The following THAP4 variants were observed in gnomAD, a reference collection of about 807,000 sequenced individuals.
THAP4 encodes THAP domain containing 4.
A neutral mutation model predicts 48.1 loss-of-function variants in THAP4; 18 were observed. That is an observed-to-expected ratio of 0.37 (90% CI 0.26 to 0.56). The LOEUF (loss-of-function observed/expected upper bound fraction) is 0.56. Ranked by LOEUF, THAP4 falls within the 20% of genes least tolerant of loss-of-function variation. The pLI, the probability that THAP4 is intolerant of heterozygous loss-of-function variation, is 0.78. For synonymous variants in THAP4, 345 were observed against 324.9 expected, an observed-to-expected ratio of 1.06 and a Z score of -0.66; for missense variants, 656 against 774.9, an observed-to-expected ratio of 0.85 and a Z score of 1.82.
intron 2 of THAP4, among the ~76,000 whole-genome samples, chr2:241,623,732 A>T (rs2067462901): frequency 6.6e-6 from 1 of 152,186 alleles, no homozygotes; most frequent in Non-Finnish European, 1.5e-5. Flanking sequence ...CCACAAATTT[A>T]ATCATATAGA....
chr2:241,629,480 A>G (rs2067532322), intron 2 of THAP4, among the ~76,000 whole-genome samples: 1 of 151,780 alleles, frequency 6.6e-6, no homozygotes, highest in Non-Finnish European at 1.5e-5. Flanking sequence ...CTTAAAAAAA[A>G]AAAAAGAAAA....
chr2:241,604,961 GACAC>G (rs1014688132), intron 3 of THAP4, among the ~76,000 whole-genome samples: 1 of 152,080 alleles, frequency 6.6e-6, no homozygotes, highest in Non-Finnish European at 1.5e-5. Flanking sequence ...CATATTCTAG[GACAC>G]ACACACAAAC....
chr2:241,590,770 G>A (rs879546685), intron 5 of THAP4, among the ~76,000 whole-genome samples: 1 of 148,984 alleles, frequency 6.7e-6, no homozygotes, highest in Non-Finnish European at 1.5e-5. Context: ...GGCTGATGAT[G>A]AGGGGCACTA....
At chr2:241,626,441 C>CAAAACA (rs1035193297) in intron 2 of THAP4, among the ~76,000 whole-genome samples, 4 of 150,544 alleles carry the variant, frequency 2.7e-5, no homozygotes, top group East Asian at 3.9e-4. Flanking sequence ...AACTACGTCT[C>CAAAACA]AAAACAAAAA....
At chr2:241,637,368 A>G, upstream of THAP4, 1 of 1,373,954 alleles carries the variant, frequency 7.3e-7, no homozygotes, top group Non-Finnish European at 9.5e-7. Context: ...GTACCGCAAG[A>G]TGGCTGCTCG....
Position 241,616,128 on chromosome 2 carries a change from T to C in THAP4, c.1241-9655A>G, listed in dbSNP as rs2067342736. 6.6e-6 allele frequency among the ~76,000 whole-genome samples: 1 copy of C among 152,190 alleles called. No individual in the cohort carries two copies. Among genetic ancestry groups the C allele is most frequent in the Non-Finnish European group, 1.5e-5 (1 of 68,028 alleles). ...TGGGCTTATCTGAAGTCTGGTCAAG[T>C]TGAACTGGACCATCTATTCCCCCAA... On this transcript the variant is annotated intron_variant, in intron 2 of 5. Coordinates refer to ENST00000407315, the MANE Select transcript of THAP4 (RefSeq NM_015963.6). This position sits in a 1 kb window ranked among gnomAD's most constrained non-coding sequence, Gnocchi z 4.6.
At chr2:241,599,786 A>C (rs1356598793) in intron 5 of THAP4, among the ~76,000 whole-genome samples, 2 of 152,188 alleles carry the variant, frequency 1.3e-5, no homozygotes, top group Non-Finnish European at 2.9e-5. Context: ...TAGAAGAGGA[A>C]ATGCTTAAGA....
Position 241,637,004 on chromosome 2 carries a change from C to T in THAP4, c.14G>A (p.Cys5Tyr). Residue 5 changes from cysteine to tyrosine, a missense_variant, in exon 1 of 6, where the codon TGT becomes TAT. Coordinates refer to ENST00000407315, the MANE Select transcript of THAP4 (RefSeq NM_015963.6). MVIC[C>Y]AAVNCSNRQG... ...CCGGTTGGAGCAGTTCACGGCCGCA[C>T]AGCAGATCACCATCGCGGGCCTTGG... 2 of 1,299,514 alleles carry T rather than the reference C, an allele frequency of 1.5e-6. No individual in the cohort carries two copies. The highest frequency in any genetic ancestry group is 2.0e-6 in the Non-Finnish European group (2 of 999,508). 80.5% of individuals were successfully genotyped at this position (1,299,514 alleles called of 1,614,324 possible).
intron 2 of THAP4, among the ~76,000 whole-genome samples, chr2:241,627,467 G>A (rs1429572511): frequency 7.9e-5 from 12 of 152,164 alleles, no homozygotes; most frequent in South Asian, 2.1e-4. Context: ...TCAAGGAATC[G>A]CTGCTGGCGG....
rs1374594263 is a variant in THAP4 at position 241,633,304 on chromosome 2, G to A, written c.853C>T (p.Pro285Ser). ...GPDKGLAQSP[P>S]SSSLTATPQK... is the part of the protein sequence containing the mutation. ...GGTGTCGCGGTAAGTGATGAGCTGG[G>A]AGGGCTCTGGGCCAGGCCCTTGTCG... is the stretch of plus-strand genomic sequence containing the variant. The change falls in exon 2 of 6, where the codon CCC becomes TCC. Residue 285 changes from proline to serine, a missense_variant. Physicochemically the swap from Pro to Ser is moderately conservative, Grantham distance 74. Transcript: ENST00000407315. This position sits in a 1 kb window ranked among gnomAD's most constrained non-coding sequence, Gnocchi z 7.5. 6.2e-7 allele frequency: 1 copy of A among 1,612,418 alleles called. No homozygotes were observed. Among genetic ancestry groups the A allele is most frequent in the Non-Finnish European group, 8.5e-7 (1 of 1,180,018 alleles).
chr2:241,594,106 G>A (rs887608525), intron 5 of THAP4, among the ~76,000 whole-genome samples: 14 of 152,214 alleles, frequency 9.2e-5, no homozygotes, highest in Non-Finnish European at 1.5e-4. Flanking sequence ...AGTGAGGCCT[G>A]AGGCATGCTC....
In THAP4 at chr2:241,633,378, C is replaced by T. The variant is rs151111494; in HGVS notation, c.779G>A (p.Arg260Lys). 9 of 1,613,108 alleles carry T rather than the reference C, an allele frequency of 5.6e-6. No individual in the cohort carries two copies. In the African/African-American group the frequency reaches 9.4e-5, roughly 17 times the overall value. The change falls in exon 2 of 6, where the codon AGG (arginine) becomes AAG (lysine). Residue 260 changes from arginine (R) to lysine (K), a missense_variant. Physicochemically the swap from Arg to Lys is conservative, Grantham distance 26 (BLOSUM62 2). Transcript: ENST00000407315. The surrounding 1 kb of genome is among the most constrained non-coding windows in gnomAD (Gnocchi z 7.5). Reference sequence around the variant, plus strand: ...GCTTGGTTCCACATCTTTCTTCAGCCTCTTGCGGTCAATGGGCTCTCGGGG... The same window carrying T: ...GCTTGGTTCCACATCTTTCTTCAGCTTCTTGCGGTCAATGGGCTCTCGGGG... ...SVPREPIDRK[R>K]LKKDVEPSCS...
intron 5 of THAP4, among the ~76,000 whole-genome samples, chr2:241,586,861 A>G (rs1295472141): frequency 6.6e-6 from 1 of 152,234 alleles, no homozygotes; most frequent in East Asian, 1.9e-4. Flanking sequence ...TGAAAATTGC[A>G]AAAGACTGAA....
chr2:241,627,527 T>C (rs1373007719), intron 2 of THAP4, among the ~76,000 whole-genome samples: 2 of 152,200 alleles, frequency 1.3e-5, no homozygotes, highest in Non-Finnish European at 2.9e-5. Flanking sequence ...CTCTGGAGCG[T>C]GGCTTCAACC....
At position 241,637,070 on chromosome 2, in the gene THAP4, G is replaced by A. The variant is rs1166246777; in HGVS notation, c.-53C>T. 3.7e-6 allele frequency: 4 copies of A among 1,093,334 alleles called. No homozygotes were observed. The highest frequency in any genetic ancestry group is 4.8e-5 in the Admixed American group (1 of 20,654). The allele number at this position is 1,093,334 out of a possible 1,614,324, so 67.7% of individuals were successfully genotyped here. ...AGGCCCCGGCCCTAGCCGCCCGCCCGCCCGCGGACCGCCCCGAGGGAGGGA... is the reference window on the plus strand; with the variant it reads ...AGGCCCCGGCCCTAGCCGCCCGCCCACCCGCGGACCGCCCCGAGGGAGGGA... On this transcript the variant is annotated 5_prime_UTR_variant, in exon 1 of 6. Transcript: ENST00000407315.
chr2:241,596,580 G>A (rs1350840879), intron 5 of THAP4, among the ~76,000 whole-genome samples: 3 of 149,578 alleles, frequency 2.0e-5, no homozygotes, highest in Non-Finnish European at 3.0e-5. Context: ...GCAGAGGTGC[G>A]CAGATCACGA....
chr2:241,634,895 A>G (rs1031892351), intron 1 of THAP4, among the ~76,000 whole-genome samples: 6 of 152,266 alleles, frequency 3.9e-5, no homozygotes, highest in African/African-American at 1.4e-4. Flanking sequence ...GGCAGGTGCA[A>G]AAAAACAAAC....
intron 2 of THAP4, among the ~76,000 whole-genome samples, chr2:241,609,429 C>T (rs1399767330): frequency 2.0e-5 from 3 of 152,240 alleles, no homozygotes; most frequent in African/African-American, 4.8e-5. Flanking sequence ...TCTCAGACAG[C>T]CAGCTATAGC....
chr2:241,630,044 C>CA lies in THAP4; in HGVS notation c.1240+2872dup, dbSNP rs200843901. 5.6e-3 allele frequency among the ~76,000 whole-genome samples: 854 copies of CA among 152,194 alleles called. 12 individuals are homozygous for CA. The highest frequency in any genetic ancestry group is 0.02 in the African/African-American group (810 of 41,514). The stretch of plus-strand genomic sequence containing the variant: ...GCCACAGTGAAGTCTCAAAGGATTC[C>CA]AAAAAGCAGAACTCCTTCAGTCCTT... On this transcript the variant is annotated intron_variant, in intron 2 of 5. Coordinates refer to ENST00000407315, the MANE Select transcript of THAP4 (RefSeq NM_015963.6).
Sources: allele counts gnomAD v4.1 joint callset (sites outside exome capture counted in the v4.1 genomes callset), GRCh38; gene constraint gnomAD v4.1.1; non-coding constraint Gnocchi (gnomAD v3.1); transcripts MANE v1.5; gene names NCBI Gene and HGNC (gene_info 2026-07-23, HGNC 2026-07-21).